Variants in COL14A1 observed in about 807,000 individuals in gnomAD.
The protein encoded by COL14A1 is collagen type XIV alpha 1 chain.
COL14A1 carries 136 observed loss-of-function variants against 230.3 expected under a neutral mutation model. The ratio of observed to expected loss-of-function variants is 0.59; its 90% CI spans 0.51 to 0.68. The LOEUF (loss-of-function observed/expected upper bound fraction) is 0.68, where lower values mean the gene tolerates loss of function less well. COL14A1 is among the 30% of genes least tolerant of loss of function. The probability of loss-of-function intolerance (pLI) is 0.00; values close to 1 mark genes in which losing one functional copy is unlikely to be tolerated. For synonymous variants in COL14A1, 792 were observed against 784.1 expected (o/e 1.01, Z -0.17); for missense variants, 1,976 against 2,215.8 (o/e 0.89, Z 2.17).
At chr8:120,243,148 C>T (rs979465865) in intron 19 of COL14A1, among the ~76,000 whole-genome samples, 3 of 152,132 alleles carry the variant, frequency 2.0e-5, no homozygotes, top group Admixed American at 1.3e-4. Context: ...CTGGTCCAGA[C>T]GATTCTTTTC....
chr8:120,219,086 T>C (rs1817851090), intron 14 of COL14A1, among the ~76,000 whole-genome samples: 1 of 151,730 alleles, frequency 6.6e-6, no homozygotes, highest in Non-Finnish European at 1.5e-5. Flanking sequence ...GTCCATTTGG[T>C]TTACTGTAAC....
intron 8 of COL14A1, among the ~76,000 whole-genome samples, chr8:120,200,208 T>C (rs541138141): frequency 1.1e-4 from 16 of 152,150 alleles, no homozygotes; most frequent in Non-Finnish European, 2.2e-4. Context: ...AATGCCTGAT[T>C]CCCAAGCAAC....
chr8:120,367,314 G>A (rs1823438721), intron 46 of COL14A1, 66 bp downstream of exon 46: 1 of 1,300,422 alleles, frequency 7.7e-7, no homozygotes, highest in Non-Finnish European at 1.1e-6. Context: ...CATTGCAAGT[G>A]AGGAAAATGG....
chr8:120,314,420 C>T (rs1301159670), intron 38 of COL14A1, among the ~76,000 whole-genome samples: 1 of 152,054 alleles, frequency 6.6e-6, no homozygotes, highest in African/African-American at 2.4e-5. Context: ...TAATAAAAGC[C>T]ATTTATTCAT....
intron 37 of COL14A1, among the ~76,000 whole-genome samples, chr8:120,312,800 C>CT (rs1210812408): frequency 2.0e-5 from 3 of 152,098 alleles, no homozygotes; most frequent in African/African-American, 4.8e-5. Flanking sequence ...CCCACAATGC[C>CT]TTTTTTTCTG....
At chr8:120,341,411 C>T (rs1356412515) in intron 43 of COL14A1, 51 bp downstream of exon 43, 3 of 1,578,624 alleles carry the variant, frequency 1.9e-6, no homozygotes, top group African/African-American at 2.7e-5. Flanking sequence ...GCACCCCTTC[C>T]ATTGCATAAG....
At chr8:120,150,132 A>T (rs924485329) in intron 2 of COL14A1, among the ~76,000 whole-genome samples, 1 of 152,244 alleles carries the variant, frequency 6.6e-6, no homozygotes, top group Non-Finnish European at 1.5e-5. Context: ...ACAGGGCTGT[A>T]AGCAAATAAA....
chr8:120,370,867 A>C (rs1823563650), intron 47 of COL14A1: 4 of 1,338,800 alleles, frequency 3.0e-6, no homozygotes, highest in Non-Finnish European at 3.9e-6. Flanking sequence ...TTCTTTTATA[A>C]TTTTGCTGAG....
chr8:120,193,057 T>G (rs2130692696), intron 5 of COL14A1, among the ~76,000 whole-genome samples: 1 of 152,326 alleles, frequency 6.6e-6, no homozygotes, highest in East Asian at 1.9e-4. Flanking sequence ...GTCAAAGTCA[T>G]TCTCCGTCCA....
chr8:120,167,132 A>G (rs1815926155), intron 4 of COL14A1, among the ~76,000 whole-genome samples: 1 of 152,090 alleles, frequency 6.6e-6, no homozygotes, highest in Non-Finnish European at 1.5e-5. Context: ...TTTCTAAGAA[A>G]AGGAATAATA....
In COL14A1 at chr8:120,345,419, C is replaced by T; in HGVS notation, c.4933C>T (p.His1645Tyr). ...YTAILNQIPS[H>Y]SSSIRTVQGP... ...TGCCATCCTCAACCAGATTCCCAGC[C>T]ACTCCTCATCCATCCGGACTGTCCA... The change falls in exon 45 of 48, where the codon CAC becomes TAC. Residue 1645 changes from histidine to tyrosine, a missense_variant. By Grantham distance (83) the His-to-Tyr change is moderately conservative. Transcript: ENST00000297848. 1 of 1,598,234 alleles carries T rather than the reference C, an allele frequency of 6.3e-7. No homozygotes were observed. The highest frequency in any genetic ancestry group is 8.5e-7 in the Non-Finnish European group (1 of 1,173,292).
intron 15 of COL14A1, among the ~76,000 whole-genome samples, chr8:120,226,069 G>C (rs1563682651): frequency 1.3e-5 from 2 of 151,606 alleles, no homozygotes; most frequent in African/African-American, 4.8e-5. Context: ...GGGTGCAGTT[G>C]GGTGTTATAC....
chr8:120,365,677 T>C (rs772796477), intron 45 of COL14A1, among the ~76,000 whole-genome samples: 1 of 152,214 alleles, frequency 6.6e-6, no homozygotes, highest in African/African-American at 2.4e-5. Context: ...TGAGATGGTA[T>C]TTTTACTTTT....
chr8:120,224,170 G>A (rs1818022507), intron 14 of COL14A1, among the ~76,000 whole-genome samples: 1 of 151,686 alleles, frequency 6.6e-6, no homozygotes, highest in Non-Finnish European at 1.5e-5. Flanking sequence ...GGGATTGCAG[G>A]TGCGCACCAC....
At chr8:120,226,814 T>C (rs759871397) in intron 16 of COL14A1, 48 bp downstream of exon 16, 1 of 1,563,916 alleles carries the variant, frequency 6.4e-7, no homozygotes, top group South Asian at 1.1e-5. Context: ...CATTAGTGAA[T>C]ACCTACTGCT....
intron 5 of COL14A1, among the ~76,000 whole-genome samples, chr8:120,193,643 C>A (rs1186304357): frequency 6.6e-6 from 1 of 152,156 alleles, no homozygotes; most frequent in Non-Finnish European, 1.5e-5. Flanking sequence ...CTGTGCCCTG[C>A]CCCCAGAGGT....
chr8:120,297,798 T>C (rs1004392570), intron 35 of COL14A1, among the ~76,000 whole-genome samples: 2 of 151,916 alleles, frequency 1.3e-5, no homozygotes, highest in African/African-American at 4.8e-5. Context: ...ACTCAGAGGG[T>C]GCTATTTACA....
At chr8:120,188,084 CTTT>C (rs202106370) in intron 5 of COL14A1, among the ~76,000 whole-genome samples, 1 of 141,526 alleles carries the variant, frequency 7.1e-6, no homozygotes. Context: ...GAAGGCTTAA[CTTT>C]TTTTTTTTTT....
chr8:120,288,024 CA>C (rs61622764), intron 33 of COL14A1, among the ~76,000 whole-genome samples: 69,315 of 145,216 alleles, frequency 0.48, 16,191 homozygotes, highest in East Asian at 0.56. Flanking sequence ...TTTTGTAAAG[CA>C]AAAAAAAAAA....
Sources: allele counts gnomAD v4.1 joint callset (sites outside exome capture counted in the v4.1 genomes callset), GRCh38; gene constraint gnomAD v4.1.1; transcripts MANE v1.5; gene names NCBI Gene and HGNC (gene_info 2026-07-23, HGNC 2026-07-21).